The following METTL15 variants were observed in gnomAD, a reference collection of about 807,000 sequenced individuals.
The protein encoded by METTL15 is 12S rRNA N(4)-cytidine methyltransferase METTL15.
In METTL15, 34 loss-of-function variants were observed where a neutral mutation model predicts 38.3. The ratio of observed to expected loss-of-function variants is 0.89; its 90% confidence interval spans 0.68 to 1.18. The LOEUF (loss-of-function observed/expected upper bound fraction) is 1.18. Ranked by LOEUF, METTL15 falls within the 50% of genes most tolerant of loss-of-function variation. The pLI is 0.00. For missense variants in METTL15, 438 were observed against 498.4 expected, an observed-to-expected ratio of 0.88 and a Z score of 1.15; for synonymous variants, 162 against 170.9, an observed-to-expected ratio of 0.95 and a Z score of 0.41.
At chr11:28,272,331 G>A (rs1432499008) in intron 4 of METTL15, among the ~76,000 whole-genome samples, 5 of 152,098 alleles carry the variant, frequency 3.3e-5, no homozygotes, top group African/African-American at 9.7e-5. Context: ...AAGCCCATCA[G>A]TGATAGACTG....
chr11:28,397,450 AAAG>A (rs771814436), intron 5 of METTL15, among the ~76,000 whole-genome samples: 3 of 152,230 alleles, frequency 2.0e-5, no homozygotes, highest in Non-Finnish European at 4.4e-5. Flanking sequence ...ATACTTCTCA[AAAG>A]AAGATATTTA....
chr11:28,319,288 T>A (rs1849377592), intron 6 of METTL15, among the ~76,000 whole-genome samples: 2 of 152,146 alleles, frequency 1.3e-5, no homozygotes, highest in African/African-American at 2.4e-5. Flanking sequence ...AGCCATGTGA[T>A]CTCATCTTGA....
chr11:28,201,931 A>G (rs1032442620), intron 3 of METTL15, among the ~76,000 whole-genome samples: 8 of 152,104 alleles, frequency 5.3e-5, no homozygotes, highest in Admixed American at 3.9e-4. Flanking sequence ...ACGTTGTAAA[A>G]TTCATTTTTG....
intron 6 of METTL15, among the ~76,000 whole-genome samples, chr11:28,470,033 G>A (rs1034170730): frequency 4.1e-4 from 50 of 121,044 alleles, no homozygotes; most frequent in African/African-American, 1.3e-3. Context: ...AACAACAAAA[G>A]CAACAAAAGA....
At chr11:28,418,066 A>G (rs1850788573) in intron 5 of METTL15, among the ~76,000 whole-genome samples, 2 of 152,088 alleles carry the variant, frequency 1.3e-5, no homozygotes. Context: ...GAGTTCTGGT[A>G]TCAAGTTTTC....
At chr11:28,302,722 C>A (rs898053368) in intron 6 of METTL15, among the ~76,000 whole-genome samples, 3 of 152,104 alleles carry the variant, frequency 2.0e-5, no homozygotes, top group African/African-American at 7.2e-5. Context: ...AATACGTCCC[C>A]CACAACATTA....
chr11:28,180,187 T>C (rs1851232177), intron 3 of METTL15, among the ~76,000 whole-genome samples: 1 of 151,900 alleles, frequency 6.6e-6, no homozygotes, highest in Non-Finnish European at 1.5e-5. Flanking sequence ...TGTTTTGTTG[T>C]TGAGTGAATG....
chr11:28,475,307 C>T (rs2133467704), intron 6 of METTL15, among the ~76,000 whole-genome samples: 1 of 152,324 alleles, frequency 6.6e-6, no homozygotes, highest in South Asian at 2.1e-4. Context: ...GCATGATCCT[C>T]TTCACCAGCT....
At chr11:28,505,861 T>C (rs1173582001) in intron 6 of METTL15, among the ~76,000 whole-genome samples, 1 of 152,186 alleles carries the variant, frequency 6.6e-6, no homozygotes, top group Non-Finnish European at 1.5e-5. Context: ...AGTGTTAGTA[T>C]GCTCCTAGGG....
At chr11:28,477,517 A>G (rs546133443) in intron 6 of METTL15, 3 of 152,316 alleles carry the variant, frequency 2.0e-5, no homozygotes, top group South Asian at 2.1e-4. Flanking sequence ...CTGTATTGCC[A>G]CAACGATCCT....
chr11:28,522,293 G>T (rs1851771439), intron 6 of METTL15, among the ~76,000 whole-genome samples: 1 of 152,206 alleles, frequency 6.6e-6, no homozygotes, highest in Non-Finnish European at 1.5e-5. Flanking sequence ...ATATAGAAAG[G>T]TTTATTTGAA....
chr11:28,382,565 G>A (rs1435047653), intron 5 of METTL15, among the ~76,000 whole-genome samples: 2 of 152,072 alleles, frequency 1.3e-5, no homozygotes, highest in African/African-American at 2.4e-5. Context: ...TGGGCTCAGT[G>A]GCTCACACCT....
intron 3 of METTL15, among the ~76,000 whole-genome samples, chr11:28,200,620 T>TA (rs565590434): frequency 6.6e-6 from 1 of 152,134 alleles, no homozygotes; most frequent in African/African-American, 2.4e-5. Context: ...TTTTTGTCCT[T>TA]AAAAAATTAT....
intron 5 of METTL15, among the ~76,000 whole-genome samples, chr11:28,407,762 C>G (rs755043987): frequency 3.3e-5 from 5 of 152,046 alleles, no homozygotes; most frequent in Non-Finnish European, 7.4e-5. Context: ...TCCTGAAAGA[C>G]CGAGAACCAG....
chr11:28,322,736 A>G (rs1052008993), intron 6 of METTL15, among the ~76,000 whole-genome samples: 13 of 152,248 alleles, frequency 8.5e-5, no homozygotes, highest in African/African-American at 2.6e-4. Flanking sequence ...TTTTTCTGCT[A>G]TGTAGGATTA....
chr11:28,223,175 T>C (rs1295787094), intron 4 of METTL15, among the ~76,000 whole-genome samples: 6 of 152,084 alleles, frequency 3.9e-5, no homozygotes, highest in African/African-American at 7.2e-5. Context: ...ATACATCGCT[T>C]GTGTATATAT....
chr11:28,389,045 G>C (rs1034101367), intron 5 of METTL15, among the ~76,000 whole-genome samples: 1 of 151,750 alleles, frequency 6.6e-6, no homozygotes, highest in Non-Finnish European at 1.5e-5. Context: ...TATTCCATGG[G>C]GTATACGTGC....
chr11:28,489,385 A>G (rs868651556), intron 6 of METTL15, among the ~76,000 whole-genome samples: 22 of 152,184 alleles, frequency 1.4e-4, no homozygotes, highest in South Asian at 2.1e-4. Context: ...CAGCTGTTGA[A>G]GGATGCACTC....
At chr11:28,481,146 A>T (rs541317471) in intron 6 of METTL15, among the ~76,000 whole-genome samples, 1 of 152,320 alleles carries the variant, frequency 6.6e-6, no homozygotes, top group East Asian at 1.9e-4. Context: ...TTATTGATAC[A>T]ATTGTAACCC....
Sources: allele counts gnomAD v4.1 joint callset (sites outside exome capture counted in the v4.1 genomes callset), GRCh38; gene constraint gnomAD v4.1.1; transcripts MANE v1.5; gene names NCBI Gene and HGNC (gene_info 2026-07-23, HGNC 2026-07-21).